Variants in PEX14 observed in about 807,000 individuals in gnomAD.
PEX14 encodes peroxisomal biogenesis factor 14.
In PEX14, 15 loss-of-function variants were observed where a neutral mutation model predicts 49.5. The ratio of observed to expected loss-of-function variants is 0.30; its 90% confidence interval spans 0.20 to 0.47. PEX14 has a LOEUF of 0.47. Ranked by LOEUF, PEX14 falls within the 20% of genes least tolerant of loss-of-function variation. The pLI is 1.00. For synonymous variants in PEX14, 210 were observed against 212.7 expected (o/e 0.99, Z 0.11); for missense variants, 398 against 494.8 (o/e 0.80, Z 1.86).
At chr1:10,602,949 A>G (rs982584192) in intron 4 of PEX14, among the ~76,000 whole-genome samples, 4 of 152,172 alleles carry the variant, frequency 2.6e-5, no homozygotes, top group Non-Finnish European at 4.4e-5. Flanking sequence ...AAGGCTAGAA[A>G]ATGGGATCCC....
chr1:10,630,206 C>T lies in PEX14; in HGVS notation c.*219C>T. 1.4e-6 allele frequency: 1 copy of T among 703,324 alleles called. No homozygotes were observed. The highest frequency in any genetic ancestry group is 2.3e-6 in the Non-Finnish European group (1 of 434,228). 43.6% of individuals were successfully genotyped at this position (703,324 alleles called of 1,614,324 possible). A position where few individuals can be genotyped will look rare whatever the true frequency, so the allele number is the denominator to read the frequency against. On this transcript the variant is annotated 3_prime_UTR_variant, in exon 9 of 9. Coordinates refer to ENST00000356607, the MANE Select transcript of PEX14 (RefSeq NM_004565.3). The surrounding 1 kb of genome is among the most constrained non-coding windows in gnomAD (Gnocchi z 4.1). ...CCGCCAGCCCCAGCCCCAGCCCCAG[C>T]CCCAGGCCCAGCTGCCTTTGGCTTT...
At chr1:10,580,498 TACAGGCGTGAGCCACTGCACCCAA>T (rs932350170) in intron 3 of PEX14, among the ~76,000 whole-genome samples, 31 of 152,260 alleles carry the variant, frequency 2.0e-4, no homozygotes, top group African/African-American at 4.1e-4. Flanking sequence ...GTGTTGGGGT[TACAGGCGTGAGCCACTGCACCCAA>T]ACAGGCGTGA....
intron 3 of PEX14, among the ~76,000 whole-genome samples, chr1:10,551,326 TAAAC>T (rs1490298653): frequency 6.6e-6 from 1 of 152,198 alleles, no homozygotes; most frequent in Non-Finnish European, 1.5e-5. Context: ...TTTATAATGT[TAAAC>T]AAATTAAATC....
In PEX14 at chr1:10,599,320, A is replaced by G. The variant is rs777015020; in HGVS notation, c.252A>G (p.Thr84=). 1 of 1,614,144 alleles carries G rather than the reference A, an allele frequency of 6.2e-7. No individual in the cohort carries two copies. Among genetic ancestry groups the G allele is most frequent in the South Asian group, 1.1e-5 (1 of 91,086 alleles). Residue 84 remains threonine, a synonymous_variant, in exon 4 of 9, where the codon ACA becomes ACG. Transcript: ENST00000356607. ...AGCCTTCGTCCTTGGGCCCAGCCAC[A>G]CAGGTGGTTCCTGTCCAGCCCCCTC... ...ADEPSSLGPA[T]QVVPVQPPHL... is the part of the protein sequence containing the mutation.
intron 3 of PEX14, among the ~76,000 whole-genome samples, chr1:10,588,482 G>C (rs1640566907): frequency 6.6e-6 from 1 of 152,156 alleles, no homozygotes; most frequent in Admixed American, 6.5e-5. Context: ...TATGCTTTCA[G>C]GTACCCGAGG....
intron 3 of PEX14, among the ~76,000 whole-genome samples, chr1:10,577,371 T>G (rs1236410072): frequency 1.7e-5 from 2 of 114,592 alleles, no homozygotes; most frequent in African/African-American, 7.0e-5. Flanking sequence ...CACTCCAGCC[T>G]GGGTGACAAA....
At chr1:10,620,963 C>T (rs1451413512) in intron 5 of PEX14, among the ~76,000 whole-genome samples, 1 of 152,204 alleles carries the variant, frequency 6.6e-6, no homozygotes. Flanking sequence ...CTGTAATGAG[C>T]AGTAGGCACT....
chr1:10,487,987 G>T (rs1432686527), intron 1 of PEX14, among the ~76,000 whole-genome samples: 1 of 151,202 alleles, frequency 6.6e-6, no homozygotes, highest in Admixed American at 6.6e-5. Context: ...CACCACCTTG[G>T]CCAGGCTTGT....
chr1:10,540,554 C>A (rs1638971240), intron 3 of PEX14, among the ~76,000 whole-genome samples: 1 of 151,972 alleles, frequency 6.6e-6, no homozygotes, highest in Non-Finnish European at 1.5e-5. Context: ...CAGCTTGTGC[C>A]CCCAGGATGA....
At chr1:10,475,415 C>T (rs563051317) in intron 1 of PEX14, among the ~76,000 whole-genome samples, 1 of 152,298 alleles carries the variant, frequency 6.6e-6, no homozygotes, top group Admixed American at 6.5e-5. Context: ...GTTCCCACTC[C>T]CTCACGGCCT....
intron 3 of PEX14, 148 bp downstream of exon 3, chr1:10,536,445 A>G (rs1344664363): frequency 2.9e-6 from 2 of 680,576 alleles, no homozygotes; most frequent in Non-Finnish European, 5.4e-6. Context: ...CGAACCCCCC[A>G]GTGGGGCATG....
chr1:10,482,945 T>G (rs887063879), intron 1 of PEX14, among the ~76,000 whole-genome samples: 1 of 152,238 alleles, frequency 6.6e-6, no homozygotes, highest in African/African-American at 2.4e-5. Flanking sequence ...TGGATTTGTC[T>G]GATTTGTTCC....
At chr1:10,594,319 A>C (rs1337305540) in intron 3 of PEX14, among the ~76,000 whole-genome samples, 1 of 151,702 alleles carries the variant, frequency 6.6e-6, no homozygotes, top group Non-Finnish European at 1.5e-5. Context: ...CAGATAACTT[A>C]GTTGTTCTGA....
Position 10,509,646 on chromosome 1 carries a change from C to T in PEX14, c.84+14325C>T, listed in dbSNP as rs114426610. ...CTGACCAGACTGGCAGAGCTAATGC[C>T]GGCTGGAGGAACGCTGCCGTGTTTG... is the stretch of plus-strand genomic sequence containing the variant. On this transcript the variant is annotated intron_variant, in intron 2 of 8. Transcript: ENST00000356607. Among the ~76,000 whole-genome samples, 542 of 152,186 alleles carry T rather than the reference C, an allele frequency of 3.6e-3. 2 individuals are homozygous for T. The highest frequency in any genetic ancestry group is 5.8e-3 in the Non-Finnish European group (396 of 68,012).
intron 2 of PEX14, among the ~76,000 whole-genome samples, chr1:10,520,153 T>TTGTTTTTTTTTTTTTG (rs1638234272): frequency 1.1e-5 from 1 of 91,914 alleles, no homozygotes; most frequent in Non-Finnish European, 2.4e-5. Context: ...TTCTTCTTTT[T>TTGTTTTTTTTTTTTTG]TTTTTTTTTG....
At chr1:10,522,792 T>C (rs1638342557) in intron 2 of PEX14, among the ~76,000 whole-genome samples, 1 of 152,224 alleles carries the variant, frequency 6.6e-6, no homozygotes, top group Admixed American at 6.5e-5. Flanking sequence ...TTCTGGATGG[T>C]CATCAGGAGC....
chr1:10,475,320 C>T (rs1019323768), intron 1 of PEX14, among the ~76,000 whole-genome samples: 1 of 152,160 alleles, frequency 6.6e-6, no homozygotes, highest in African/African-American at 2.4e-5. Context: ...AAGTCCCCAG[C>T]CTTGAGCTGC....
At chr1:10,504,675 G>A (rs1243079247) in intron 2 of PEX14, among the ~76,000 whole-genome samples, 1 of 152,210 alleles carries the variant, frequency 6.6e-6, no homozygotes, top group Non-Finnish European at 1.5e-5. Context: ...GTAGCAAGGA[G>A]TTGCTGACAA....
chr1:10,570,848 G>GTTTGTTTTTTT (rs71583883), intron 3 of PEX14, among the ~76,000 whole-genome samples: 2 of 113,908 alleles, frequency 1.8e-5, no homozygotes, highest in Non-Finnish European at 3.5e-5. Context: ...TGTCAACAGG[G>GTTTGTTTTTTT]TTTTTTTTTT....
Sources: allele counts gnomAD v4.1 joint callset (sites outside exome capture counted in the v4.1 genomes callset), GRCh38; gene constraint gnomAD v4.1.1; non-coding constraint Gnocchi (gnomAD v3.1); transcripts MANE v1.5; gene names NCBI Gene and HGNC (gene_info 2026-07-23, HGNC 2026-07-21).